ASAP1: variants seen among roughly 807,000 people sequenced by gnomAD.
The protein encoded by ASAP1 is arf-GAP with SH3 domain, ANK repeat and PH domain-containing protein 1.
A neutral mutation model predicts 145.2 loss-of-function variants in ASAP1; 43 were observed. The ratio of observed to expected loss-of-function variants is 0.30; its 90% CI spans 0.23 to 0.38. The LOEUF (loss-of-function observed/expected upper bound fraction) is 0.38, where lower values mean the gene tolerates loss of function less well. ASAP1 is among the 10% of genes least tolerant of loss of function. The pLI, the probability that ASAP1 is intolerant of heterozygous loss-of-function variation, is 1.00. For missense variants in ASAP1, 1,018 were observed against 1,355.3 expected (o/e 0.75, Z 3.91); for synonymous variants, 546 against 515.5 (o/e 1.06, Z -0.80).
chr8:130,119,695 T>C (rs1284718399), intron 18 of ASAP1, among the ~76,000 whole-genome samples: 4 of 152,192 alleles, frequency 2.6e-5, no homozygotes, highest in Non-Finnish European at 5.9e-5. Flanking sequence ...CCCAGTTACA[T>C]GAGCTAATTA....
chr8:130,302,183 C>T (rs2791342), intron 3 of ASAP1, among the ~76,000 whole-genome samples: 51,714 of 152,152 alleles, frequency 0.34, 9,030 homozygotes, highest in African/African-American at 0.41. Flanking sequence ...AAACCATGTA[C>T]AACTTTTCAC....
At chr8:130,439,820 G>A (rs772097159) in intron 1 of ASAP1, among the ~76,000 whole-genome samples, 1 of 152,244 alleles carries the variant, frequency 6.6e-6, no homozygotes, top group Non-Finnish European at 1.5e-5. Context: ...CTCCACAGCA[G>A]GCTGGTAATA....
rs929751303 is a variant in ASAP1 at position 130,321,568 on chromosome 8, C to T, written c.186+36449G>A. The stretch of plus-strand genomic sequence containing the variant: ...TCCCTTAGAAGTCAGGGGGTGCATC[C>T]TAAAGCACTCACTACTCTAACTACA... On this transcript the variant is annotated intron_variant, in intron 3 of 29. Transcript: ENST00000518721. Among the ~76,000 whole-genome samples, 148 of 152,036 alleles carry T rather than the reference C, an allele frequency of 9.7e-4. 1 individual carries two copies. Among genetic ancestry groups the T allele is most frequent in the African/African-American group, 3.5e-3 (146 of 41,440 alleles).
At chr8:130,243,717 G>C (rs1292187112) in intron 3 of ASAP1, among the ~76,000 whole-genome samples, 4 of 152,076 alleles carry the variant, frequency 2.6e-5, no homozygotes, top group Non-Finnish European at 5.9e-5. Flanking sequence ...ATCTAAACGG[G>C]CCTAGCTTGT....
rs2097462469 is a variant in ASAP1 at position 130,076,438 on chromosome 8, A to G, written c.2643-32T>C. Reference sequence around the variant, plus strand: ...AACAAATAAGAATCATTTAGGATCTAAAAGTGCTAGAATATCAATAGCAAA... The same window carrying G: ...AACAAATAAGAATCATTTAGGATCTGAAAGTGCTAGAATATCAATAGCAAA... On this transcript the variant is annotated intron_variant, in intron 26 of 29. Transcript: ENST00000518721. The G allele has an allele frequency of 4.7e-6, 7 of 1,496,458 alleles. No individual in the cohort carries two copies. In the East Asian group the frequency reaches 1.1e-4, roughly 24 times the overall value. The allele number at this position is 1,496,458 out of a possible 1,614,324, so 92.7% of individuals were successfully genotyped here. A position where few individuals can be genotyped will look rare whatever the true frequency, so the allele number is the denominator to read the frequency against.
At chr8:130,069,338 C>T (rs900891909) in intron 27 of ASAP1, among the ~76,000 whole-genome samples, 1 of 152,192 alleles carries the variant, frequency 6.6e-6, no homozygotes, top group Non-Finnish European at 1.5e-5. Flanking sequence ...CAGGCTCATG[C>T]AATCCTCCCA....
intron 3 of ASAP1, among the ~76,000 whole-genome samples, chr8:130,241,686 G>A (rs571919967): frequency 3.9e-5 from 6 of 152,154 alleles, no homozygotes; most frequent in Admixed American, 2.6e-4. Flanking sequence ...AATATGTATA[G>A]CCATATATGT....
intron 3 of ASAP1, among the ~76,000 whole-genome samples, chr8:130,273,351 G>T (rs1258171248): frequency 6.6e-6 from 1 of 152,064 alleles, no homozygotes; most frequent in Non-Finnish European, 1.5e-5. Context: ...GAAGTTCAGC[G>T]GTCCCTCCCA....
chr8:130,056,272 C>T (rs754227800), intron 29 of ASAP1, among the ~76,000 whole-genome samples: 1 of 152,212 alleles, frequency 6.6e-6, no homozygotes, highest in African/African-American at 2.4e-5. Flanking sequence ...CCCACCTCCT[C>T]GTCATGAGAT....
intron 3 of ASAP1, among the ~76,000 whole-genome samples, chr8:130,332,229 A>G (rs891409545): frequency 6.6e-6 from 1 of 152,236 alleles, no homozygotes; most frequent in African/African-American, 2.4e-5. Context: ...GTGCTTTTCA[A>G]TGAAGATGTT....
chr8:130,166,780 C>A (rs1390640050), intron 11 of ASAP1, among the ~76,000 whole-genome samples: 1 of 152,186 alleles, frequency 6.6e-6, no homozygotes, highest in Non-Finnish European at 1.5e-5. Flanking sequence ...CCAGCCTCTA[C>A]CATGCATTCT....
intron 2 of ASAP1, among the ~76,000 whole-genome samples, chr8:130,359,620 T>TA (rs1826607023): frequency 7.6e-6 from 1 of 130,858 alleles, no homozygotes; most frequent in Non-Finnish European, 1.7e-5. Context: ...CTTGCACTGT[T>TA]TTTTTTTTTT....
At chr8:130,393,184 AT>A (rs1462281780) in intron 2 of ASAP1, among the ~76,000 whole-genome samples, 2 of 152,142 alleles carry the variant, frequency 1.3e-5, no homozygotes, top group Admixed American at 6.5e-5. Flanking sequence ...GCGGTTTACC[AT>A]TTTAAATGAT....
intron 8 of ASAP1, among the ~76,000 whole-genome samples, chr8:130,179,724 C>A (rs1394388174): frequency 6.6e-6 from 1 of 151,710 alleles, no homozygotes; most frequent in Non-Finnish European, 1.5e-5. Flanking sequence ...AAAGAATATA[C>A]CATAGGATAT....
intron 3 of ASAP1, among the ~76,000 whole-genome samples, chr8:130,300,151 C>CAGAGAG (rs1234117059): frequency 4.0e-3 from 342 of 84,730 alleles, no homozygotes; most frequent in Non-Finnish European, 6.6e-3. Context: ...CACACACACA[C>CAGAGAG]ACAGAGAGAG....
At chr8:130,376,750 T>A (rs1011678760) in intron 2 of ASAP1, among the ~76,000 whole-genome samples, 5 of 149,526 alleles carry the variant, frequency 3.3e-5, no homozygotes, top group South Asian at 4.3e-4. Flanking sequence ...ATAAATAAAA[T>A]AAATTAGCTG....
intron 4 of ASAP1, among the ~76,000 whole-genome samples, chr8:130,236,079 C>A (rs551907081): frequency 2.0e-5 from 3 of 152,018 alleles, no homozygotes; most frequent in Non-Finnish European, 4.4e-5. Context: ...TTAGCAAGGA[C>A]GAAAGCCCAC....
chr8:130,314,797 G>T (rs1210188789), intron 3 of ASAP1, among the ~76,000 whole-genome samples: 2 of 152,250 alleles, frequency 1.3e-5, no homozygotes, highest in Non-Finnish European at 2.9e-5. Context: ...TGGTTTAGAT[G>T]TGGTCGGGAT....
At position 130,060,763 on chromosome 8, in the gene ASAP1, T is replaced by C; in HGVS notation, c.3008A>G (p.Gln1003Arg). 1.9e-6 allele frequency: 3 copies of C among 1,614,178 alleles called. No homozygotes were observed. The highest frequency in any genetic ancestry group is 2.5e-6 in the Non-Finnish European group (3 of 1,180,036). ...AGCCTTGGGTGAGACATCTCCAGTC[T>C]GGGATTTTGCTAGCAGGTCTCCCAG... is the stretch of plus-strand genomic sequence containing the variant. Reference protein sequence around the residue: ...PQLGDLLAKSQTGDVSPKAQQ... With the variant: ...PQLGDLLAKSRTGDVSPKAQQ... The change falls in exon 28 of 30, where the codon CAG becomes CGG. Residue 1003 changes from glutamine (Q) to arginine (R), a missense_variant. Physicochemically the swap from Gln to Arg is conservative, Grantham distance 43. Around this residue, in one of 9 missense-constraint regions of ASAP1, gnomAD observed 139 missense variants for 131.0 expected, o/e 1.06. Transcript: ENST00000518721.
Sources: gnomAD v4.1 joint callset for allele counts (sites outside exome capture counted in the v4.1 genomes callset) on GRCh38, gnomAD v4.1.1 for gene constraint, gnomAD v4.1.1 regional missense constraint, MANE v1.5 for transcripts, NCBI Gene and HGNC (gene_info 2026-07-23, HGNC 2026-07-21) for gene names.